The following STARD13 variants were observed in gnomAD, a reference collection of about 807,000 sequenced individuals.
STARD13 encodes StAR related lipid transfer domain containing 13.
A neutral mutation model predicts 106.4 loss-of-function variants in STARD13; 62 were observed. The ratio of observed to expected loss-of-function variants is 0.58; its 90% CI spans 0.48 to 0.72. The LOEUF (loss-of-function observed/expected upper bound fraction) is 0.72, where lower values mean the gene tolerates loss of function less well. Among genes scored for constraint, STARD13 ranks in the 30% least tolerant of loss-of-function variants. STARD13 has a pLI of 0.00. For synonymous variants in STARD13, 565 were observed against 553.0 expected, an observed-to-expected ratio of 1.02 and a Z score of -0.31; for missense variants, 1,387 against 1,424.0, an observed-to-expected ratio of 0.97 and a Z score of 0.42.
chr13:33,340,745 G>A (rs919104072), intron 1 of STARD13, among the ~76,000 whole-genome samples: 1 of 152,204 alleles, frequency 6.6e-6, no homozygotes, highest in Non-Finnish European at 1.5e-5. Context: ...AGTGTAAGAT[G>A]TCTTGACACA....
chr13:33,552,214 T>A, the STARD13 span, among the ~76,000 whole-genome samples: 267 of 152,238 alleles, frequency 1.8e-3, no homozygotes, highest in Non-Finnish European at 3.1e-3. Flanking sequence ...ATCTCGATAA[T>A]TGATGAACAA....
intron 9 of STARD13, among the ~76,000 whole-genome samples, chr13:33,112,406 A>G (rs1170270978): frequency 1.3e-5 from 2 of 152,196 alleles, no homozygotes; most frequent in Non-Finnish European, 2.9e-5. Flanking sequence ...GAAATGTAGC[A>G]TGAGACACAT....
chr13:33,128,987 G>A lies in STARD13; in HGVS notation c.1690C>T (p.Pro564Ser). Residue 564 changes from proline to serine, a missense_variant, in exon 5 of 14, where the codon CCT becomes TCT. By Grantham distance (74) the Pro-to-Ser change is moderately conservative. Transcript: ENST00000336934. ...DVTSLNESEP[P>S]GVRDRRDSGV... The stretch of plus-strand genomic sequence containing the variant: ...GAATCCCTCCTGTCTCTGACCCCAG[G>A]AGGCTCAGATTCATTAAGAGATGTT... 1 of 1,614,078 alleles carries A rather than the reference G, an allele frequency of 6.2e-7. No homozygotes were observed.
chr13:33,428,833 T>C, the STARD13 span, among the ~76,000 whole-genome samples: 2 of 151,998 alleles, frequency 1.3e-5, no homozygotes, highest in Non-Finnish European at 2.9e-5. Flanking sequence ...TAGGAAAAAA[T>C]GGAATAATCT....
chr13:33,337,083 T>G (rs372990519), intron 1 of STARD13, among the ~76,000 whole-genome samples: 13 of 152,318 alleles, frequency 8.5e-5, no homozygotes, highest in African/African-American at 3.1e-4. Flanking sequence ...AAGGAGGATT[T>G]AACCTATGCA....
the STARD13 span, among the ~76,000 whole-genome samples, chr13:33,446,125 CA>C: frequency 1.3e-5 from 2 of 152,166 alleles, no homozygotes; most frequent in Non-Finnish European, 2.9e-5. Flanking sequence ...AGAGGTTAAC[CA>C]AACTATCAGT....
At chr13:33,540,724 C>A in the STARD13 span, among the ~76,000 whole-genome samples, 1 of 152,190 alleles carries the variant, frequency 6.6e-6, no homozygotes, top group South Asian at 2.1e-4. Flanking sequence ...GCTCACAATT[C>A]TTTTTTCAAT....
At chr13:33,453,790 A>G in the STARD13 span, among the ~76,000 whole-genome samples, 2 of 152,232 alleles carry the variant, frequency 1.3e-5, no homozygotes, top group African/African-American at 4.8e-5. Context: ...AGTGTGTAAC[A>G]GGGAGGATTT....
chr13:33,539,064 C>T, the STARD13 span, among the ~76,000 whole-genome samples: 25 of 152,208 alleles, frequency 1.6e-4, no homozygotes, highest in East Asian at 1.2e-3. Flanking sequence ...CCACTGCGCC[C>T]GGCCTTGCAT....
the STARD13 span, among the ~76,000 whole-genome samples, chr13:33,574,913 C>CTT: frequency 0.058 from 6,806 of 117,414 alleles, 413 homozygotes; most frequent in East Asian, 0.21. Flanking sequence ...TATGCATCTA[C>CTT]TTTTTTTTTT....
At chr13:33,311,878 T>C (rs1362167154) in intron 1 of STARD13, among the ~76,000 whole-genome samples, 4 of 152,204 alleles carry the variant, frequency 2.6e-5, no homozygotes, top group African/African-American at 7.2e-5. Context: ...GATGCTTTTC[T>C]TGCATGTGGA....
At chr13:33,240,030 C>T (rs1034621723) in intron 1 of STARD13, among the ~76,000 whole-genome samples, 2 of 152,110 alleles carry the variant, frequency 1.3e-5, no homozygotes, top group African/African-American at 4.8e-5. Flanking sequence ...TCAGGTCTTA[C>T]ATTCAGCTAT....
intron 1 of STARD13, among the ~76,000 whole-genome samples, chr13:33,236,985 C>A (rs1270156832): frequency 6.6e-6 from 1 of 151,992 alleles, no homozygotes; most frequent in Non-Finnish European, 1.5e-5. Flanking sequence ...GGATATATAC[C>A]CTTATGGAAT....
the STARD13 span, among the ~76,000 whole-genome samples, chr13:33,508,096 A>G: frequency 6.6e-6 from 1 of 152,154 alleles, no homozygotes; most frequent in South Asian, 2.1e-4. Context: ...CACTTGCCTA[A>G]GGTAGGGAAT....
the STARD13 span, among the ~76,000 whole-genome samples, chr13:33,484,767 A>G: frequency 6.6e-6 from 1 of 152,186 alleles, no homozygotes; most frequent in Non-Finnish European, 1.5e-5. Context: ...AGCAAGATGA[A>G]TCAGTTGCTC....
chr13:33,303,942 T>C (rs1892811241), intron 1 of STARD13, among the ~76,000 whole-genome samples: 1 of 152,222 alleles, frequency 6.6e-6, no homozygotes, highest in South Asian at 2.1e-4. Flanking sequence ...CAGTGTGACA[T>C]CACCAGGAGC....
rs1007086891 is a variant in STARD13 at position 33,104,283 on chromosome 13, C to T, written c.*1310G>A. 2.0e-5 allele frequency: 3 copies of T among 152,240 alleles called. No homozygotes were observed. The highest frequency in any genetic ancestry group is 4.8e-5 in the African/African-American group (2 of 41,442). The allele number at this position is 152,240 out of a possible 1,614,324, so 9.4% of individuals were successfully genotyped here. A position where few individuals can be genotyped will look rare whatever the true frequency, so the allele number is the denominator to read the frequency against. On this transcript the variant is annotated 3_prime_UTR_variant, in exon 14 of 14. Coordinates refer to ENST00000336934, the MANE Select transcript of STARD13 (RefSeq NM_178006.4). The stretch of plus-strand genomic sequence containing the variant: ...TTGGCTAAAGGGAGTCAATTCGCTT[C>T]ATCTGTACAATAATAAATAAGGTTG...
chr13:33,468,768 A>T, the STARD13 span, among the ~76,000 whole-genome samples: 1 of 152,220 alleles, frequency 6.6e-6, no homozygotes, highest in East Asian at 1.9e-4. Context: ...TTCTAGAAGC[A>T]CAGCATGGAC....
At position 33,130,128 on chromosome 13, in the gene STARD13, A is replaced by T; in HGVS notation, c.549T>A (p.Ser183Arg). The T allele has an allele frequency of 6.8e-6, 11 of 1,614,068 alleles. No individual in the cohort carries two copies. Among genetic ancestry groups the T allele is most frequent in the Non-Finnish European group, 9.3e-6 (11 of 1,180,000 alleles). ...GGTGMRNTTS[S>R]ESVLTDLSEP... Reference sequence around the variant, plus strand: ...CGCTCAGGTCTGTGAGGACGCTCTCACTGCTGGTCGTGTTCCTCATCCCCG... The same window carrying T: ...CGCTCAGGTCTGTGAGGACGCTCTCTCTGCTGGTCGTGTTCCTCATCCCCG... Residue 183 changes from serine to arginine, a missense_variant, in exon 5 of 14, where the codon AGT becomes AGA. Ser to Arg is a moderately radical substitution (Grantham distance 110). Coordinates refer to ENST00000336934, the MANE Select transcript of STARD13 (RefSeq NM_178006.4). The surrounding 1 kb of genome is among the most constrained non-coding windows in gnomAD (Gnocchi z 4.1).
Sources: gnomAD v4.1 joint callset for allele counts (sites outside exome capture counted in the v4.1 genomes callset) on GRCh38, gnomAD v4.1.1 for gene constraint, Gnocchi (gnomAD v3.1) non-coding constraint, MANE v1.5 for transcripts, NCBI Gene and HGNC (gene_info 2026-07-23, HGNC 2026-07-21) for gene names.